Variants in ZNF273 observed in about 807,000 individuals in gnomAD.
ZNF273 encodes the protein zinc finger protein 9.
In ZNF273, 11 loss-of-function variants were observed where a neutral mutation model predicts 14.9. The ratio of observed to expected loss-of-function variants is 0.74; its 90% confidence interval spans 0.46 to 1.22. ZNF273 has a LOEUF of 1.22. ZNF273 is among the 50% of genes most tolerant of loss of function. ZNF273 has a pLI of 0.00. For synonymous variants in ZNF273, 199 were observed against 223.9 expected, an observed-to-expected ratio of 0.89 and a Z score of 0.99; for missense variants, 577 against 660.6, an observed-to-expected ratio of 0.87 and a Z score of 1.39.
rs1171857179 is a variant in ZNF273 at position 64,918,659 on chromosome 7, CAAAAAAAAAAAAAA to C, written c.325+383_325+396del. Among the ~76,000 whole-genome samples the C allele has an allele frequency of 1.2e-4, 10 of 80,054 alleles. No homozygotes were observed. The South Asian group carries it at 1.7e-3, about 14-fold the overall frequency. 52.5% of individuals were successfully genotyped at this position (80,054 alleles called of 152,430 possible). ...CTGGAGACAGAGTGAGACTCCATCT[CAAAAAAAAAAAAAA>C]AAAAAAAAAAAAAAATGTGATTTGG... On this transcript the variant is annotated intron_variant, in intron 3 of 3. Coordinates refer to ENST00000476120, the MANE Select transcript of ZNF273 (RefSeq NM_021148.3).
chr7:64,925,812 T>C (rs1179205183), intron 3 of ZNF273, among the ~76,000 whole-genome samples: 3 of 152,224 alleles, frequency 2.0e-5, no homozygotes, highest in African/African-American at 7.2e-5. Flanking sequence ...TTTTATGTTG[T>C]ATGTCTATTA....
At chr7:64,889,177 G>A (rs1791802055), downstream of ZNF273, 25 of 985,878 alleles carry the variant, frequency 2.5e-5, no homozygotes, top group Non-Finnish European at 2.9e-5. The surrounding 1 kb of genome is among the most constrained non-coding windows in gnomAD (Gnocchi z 4.2). Flanking sequence ...ACTTGCTGGC[G>A]GCGGCAGCCC....
chr7:64,920,987 A>C (rs2129090110), intron 3 of ZNF273, among the ~76,000 whole-genome samples: 1 of 151,250 alleles, frequency 6.6e-6, no homozygotes, highest in African/African-American at 2.4e-5. Flanking sequence ...CATCTTACTG[A>C]TGTCACTCTC....
In ZNF273 at chr7:64,930,030, A is replaced by AT. The variant is rs931373741; in HGVS notation, c.*997dup. The AT allele has an allele frequency of 6.6e-6, 1 of 152,044 alleles. No individual in the cohort carries two copies. The highest frequency in any genetic ancestry group is 2.4e-5 in the African/African-American group (1 of 41,386). The allele number at this position is 152,044 out of a possible 1,614,324, so 9.4% of individuals were successfully genotyped here. On this transcript the variant is annotated 3_prime_UTR_variant, in exon 4 of 4. Coordinates refer to ENST00000476120, the MANE Select transcript of ZNF273 (RefSeq NM_021148.3). ...TACAGGCATGTGCCACACCTGGCTAATTTTTGTGGTTTTAGTAGAGACAGG... is the reference window on the plus strand; with the variant it reads ...TACAGGCATGTGCCACACCTGGCTAATTTTTTGTGGTTTTAGTAGAGACAGG...
chr7:64,914,182 ATTTTTTTTTTTTT>A (rs375695781), intron 1 of ZNF273, among the ~76,000 whole-genome samples: 5,154 of 71,012 alleles, frequency 0.073, 184 homozygotes, highest in Middle Eastern at 0.25. Context: ...TAATTTTTGT[ATTTTTTTTTTTTT>A]TTTTTTTTTT....
chr7:64,903,164 G>A, upstream of ZNF273: 1 of 586,426 alleles, frequency 1.7e-6, no homozygotes, highest in Non-Finnish European at 3.0e-6. Context: ...AGGGCCTGAG[G>A]GGGCGGGTCC....
downstream of ZNF273, among the ~76,000 whole-genome samples, chr7:64,934,624 G>A (rs1052760943): frequency 4.6e-5 from 7 of 152,028 alleles, no homozygotes; most frequent in African/African-American, 7.2e-5. Context: ...CTGTAAATAC[G>A]TGGATATATT....
downstream of ZNF273, chr7:64,882,568 G>A (rs970447419): frequency 2.0e-5 from 3 of 152,280 alleles, no homozygotes; most frequent in Non-Finnish European, 4.4e-5. Context: ...TTCGTTGCCT[G>A]GCGACTAGTC....
At chr7:64,912,380 C>T (rs1267168890) in intron 1 of ZNF273, among the ~76,000 whole-genome samples, 2 of 152,224 alleles carry the variant, frequency 1.3e-5, no homozygotes, top group Non-Finnish European at 1.5e-5. Flanking sequence ...CTAATAGTGT[C>T]TGTGGGGTGT....
chr7:64,928,551 G>C lies in ZNF273; in HGVS notation c.1223G>C (p.Gly408Ala), dbSNP rs754532965. 9 of 1,613,620 alleles carry C rather than the reference G, an allele frequency of 5.6e-6. No individual in the cohort carries two copies. The highest frequency in any genetic ancestry group is 7.6e-6 in the Non-Finnish European group (9 of 1,179,844). Residue 408 changes from glycine (G) to alanine (A), a missense_variant, in exon 4 of 4, where the codon GGT (glycine) becomes GCT (alanine). Gly to Ala is a moderately conservative substitution (Grantham distance 60). Around this residue, in one of 3 missense-constraint regions of ZNF273, gnomAD observed 411 missense variants for 440.4 expected, o/e 0.93. Transcript: ENST00000476120. ...AAACCCTACAAATGTGAAGAATGTGGTAAAGCCTTTAAACGGTCCACAACT... is the reference window on the plus strand; with the variant it reads ...AAACCCTACAAATGTGAAGAATGTGCTAAAGCCTTTAAACGGTCCACAACT... The part of the protein sequence containing the change: ...GEKPYKCEEC[G>A]KAFKRSTTLT...
At chr7:64,908,644 C>G (rs904247125) in intron 1 of ZNF273, among the ~76,000 whole-genome samples, 1 of 152,108 alleles carries the variant, frequency 6.6e-6, no homozygotes, top group Non-Finnish European at 1.5e-5. Context: ...AAAATAGTGA[C>G]AGGGTTTCAC....
chr7:64,921,605 C>CCTTTTTTTTT (rs1794451548), intron 3 of ZNF273, among the ~76,000 whole-genome samples: 1 of 57,928 alleles, frequency 1.7e-5, no homozygotes, highest in African/African-American at 6.7e-5. Context: ...CATGCTAATG[C>CCTTTTTTTTT]TTTTTTTTTT....
intron 1 of ZNF273, among the ~76,000 whole-genome samples, chr7:64,904,973 T>C (rs1279664019): frequency 6.6e-6 from 1 of 152,148 alleles, no homozygotes; most frequent in African/African-American, 2.4e-5. Flanking sequence ...ATACCCACAA[T>C]CGCTATGTCT....
At chr7:64,924,645 C>A (rs1317449293) in intron 3 of ZNF273, among the ~76,000 whole-genome samples, 5 of 152,118 alleles carry the variant, frequency 3.3e-5, no homozygotes, top group African/African-American at 1.2e-4. Flanking sequence ...ACGACAGTTA[C>A]TTAAGATGTA....
At chr7:64,932,817 A>C (rs1312843850), downstream of ZNF273, among the ~76,000 whole-genome samples, 1 of 152,050 alleles carries the variant, frequency 6.6e-6, no homozygotes, top group Non-Finnish European at 1.5e-5. Context: ...AGCTACTTTG[A>C]AGGCTGAGGC....
chr7:64,918,383 C>T (rs1445446844), intron 3 of ZNF273, 91 bp downstream of exon 3: 19 of 1,314,980 alleles, frequency 1.4e-5, no homozygotes, highest in Non-Finnish European at 3.0e-6. Context: ...GTGATTTGGG[C>T]CAGGCGCGGT....
chr7:64,888,293 T>C (rs898043352), intron 1 of ZNF273: 1 of 985,252 alleles, frequency 1.0e-6, no homozygotes, highest in Non-Finnish European at 1.2e-6. Context: ...TCCTTCCTCC[T>C]GTGAGCTCCG....
At chr7:64,922,932 C>T (rs991323196) in intron 3 of ZNF273, among the ~76,000 whole-genome samples, 5 of 151,730 alleles carry the variant, frequency 3.3e-5, no homozygotes, top group African/African-American at 9.7e-5. Context: ...TGCTGCTGCA[C>T]TCCAGCCTAG....
At chr7:64,910,782 T>G (rs1378894090) in intron 1 of ZNF273, among the ~76,000 whole-genome samples, 2 of 149,756 alleles carry the variant, frequency 1.3e-5, no homozygotes, top group Non-Finnish European at 3.0e-5. Flanking sequence ...TTTTTTTTTT[T>G]GAGACGAAGT....
Sources: allele counts gnomAD v4.1 joint callset (sites outside exome capture counted in the v4.1 genomes callset), GRCh38; gene constraint gnomAD v4.1.1; regional missense constraint gnomAD v4.1.1; non-coding constraint Gnocchi (gnomAD v3.1); transcripts MANE v1.5; gene names NCBI Gene and HGNC (gene_info 2026-07-23, HGNC 2026-07-21).